Variants in UGGT2 observed in about 807,000 individuals in gnomAD.
UGGT2 encodes the protein UDP-glucose glycoprotein glucosyltransferase 2.
Under a neutral mutation model 192.1 loss-of-function variants are expected in UGGT2, and 180 were observed. The observed-to-expected ratio is 0.94, with a 90% CI of 0.83 to 1.06. UGGT2 has a LOEUF of 1.06. UGGT2 is among the 50% of genes least tolerant of loss of function. The pLI is 0.00. For missense variants in UGGT2, 1,849 were observed against 1,795.7 expected, an observed-to-expected ratio of 1.03 and a Z score of -0.54; for synonymous variants, 580 against 591.0, an observed-to-expected ratio of 0.98 and a Z score of 0.27.
chr13:96,016,971 G>C (rs1039990948), intron 4 of UGGT2, among the ~76,000 whole-genome samples: 1 of 152,204 alleles, frequency 6.6e-6, no homozygotes, highest in African/African-American at 2.4e-5. Flanking sequence ...CACGATGTGG[G>C]ACATGGAGTC....
chr13:95,888,192 G>T (rs187471992), intron 25 of UGGT2, among the ~76,000 whole-genome samples: 1 of 152,240 alleles, frequency 6.6e-6, no homozygotes, highest in Non-Finnish European at 1.5e-5. Flanking sequence ...CCAAACAGTT[G>T]ATTTCAATGT....
chr13:95,843,563 A>G (rs1004831562), intron 36 of UGGT2, among the ~76,000 whole-genome samples: 2 of 152,164 alleles, frequency 1.3e-5, no homozygotes, highest in Non-Finnish European at 2.9e-5. Context: ...ACTCAAGATC[A>G]CAGAGATTTT....
chr13:95,825,178 T>G (rs1233754379), intron 38 of UGGT2, among the ~76,000 whole-genome samples: 2 of 152,144 alleles, frequency 1.3e-5, no homozygotes, highest in Admixed American at 6.6e-5. Context: ...CATTCCCCTG[T>G]GGTGTGCACT....
chr13:95,980,711 T>G (rs1193551871), intron 10 of UGGT2, among the ~76,000 whole-genome samples: 2 of 152,196 alleles, frequency 1.3e-5, no homozygotes, highest in Non-Finnish European at 2.9e-5. Flanking sequence ...ATCCACAGTG[T>G]GTGCTCTTCA....
At chr13:95,837,642 C>T (rs1887446253) in intron 36 of UGGT2, among the ~76,000 whole-genome samples, 1 of 152,190 alleles carries the variant, frequency 6.6e-6, no homozygotes, top group African/African-American at 2.4e-5. Flanking sequence ...TTTCTGCATG[C>T]TCAGAGCTCT....
intron 12 of UGGT2, among the ~76,000 whole-genome samples, chr13:95,959,229 TC>T (rs1399784986): frequency 1.3e-5 from 2 of 152,116 alleles, no homozygotes; most frequent in African/African-American, 4.8e-5. Flanking sequence ...GAGGACAAAT[TC>T]CATTTGCTGC....
intron 1 of UGGT2, among the ~76,000 whole-genome samples, chr13:96,044,031 G>A (rs1238278906): frequency 1.3e-5 from 2 of 152,138 alleles, no homozygotes; most frequent in African/African-American, 2.4e-5. Flanking sequence ...GATATTTACA[G>A]AACATTCTAC....
At position 95,867,403 on chromosome 13, in the gene UGGT2, TGA is replaced by T. The variant is rs759235133; in HGVS notation, c.3492_3493del (p.Gln1165SerfsTer30). The T allele has an allele frequency of 6.2e-6, 10 of 1,606,264 alleles. No individual in the cohort carries two copies. The highest frequency in any genetic ancestry group is 7.6e-6 in the Non-Finnish European group (9 of 1,177,336). ...AACAATGATATCTTCTAGGTCTGCTTGAGAGTCAGTTCCTTCATGCCTAAAAG... is the reference window on the plus strand; with the variant it reads ...AACAATGATATCTTCTAGGTCTGCTTGAGTCAGTTCCTTCATGCCTAAAAG... On this transcript the variant is annotated frameshift_variant, in exon 30 of 39. Transcript: ENST00000376747. LOFTEE classifies it high-confidence loss of function.
At chr13:95,807,438 CCTT>C (rs1051053078) in intron 38 of UGGT2, among the ~76,000 whole-genome samples, 10 of 152,104 alleles carry the variant, frequency 6.6e-5, no homozygotes. Context: ...TCTCTAAAAT[CCTT>C]CTTCTGCTGT....
intron 5 of UGGT2, 36 bp downstream of exon 5, chr13:96,013,271 C>A (rs780937564): frequency 6.6e-7 from 1 of 1,516,054 alleles, no homozygotes; most frequent in African/African-American, 1.5e-5. Context: ...TTTTTTTCTA[C>A]AGCCAAAAGC....
At chr13:96,052,305 G>A (rs1449934175) in intron 1 of UGGT2, among the ~76,000 whole-genome samples, 5 of 152,076 alleles carry the variant, frequency 3.3e-5, no homozygotes, top group Non-Finnish European at 5.9e-5. Context: ...AATGGACTTC[G>A]GGGACTCGGG....
chr13:95,929,333 G>T (rs2049160590), intron 17 of UGGT2, among the ~76,000 whole-genome samples: 1 of 152,180 alleles, frequency 6.6e-6, no homozygotes, highest in Admixed American at 6.5e-5. Flanking sequence ...TACACATGCA[G>T]ATTGGTTACA....
Position 95,970,140 on chromosome 13 carries a change from A to G in UGGT2, c.1307T>C (p.Val436Ala). 3 of 1,609,084 alleles carry G rather than the reference A, an allele frequency of 1.9e-6. No homozygotes were observed. In the South Asian group the frequency reaches 3.3e-5, roughly 18 times the overall value. The change falls in exon 12 of 39, where the codon GTA becomes GCA. Residue 436 changes from valine (V) to alanine (A), a missense_variant. Physicochemically the swap from Val to Ala is moderately conservative, Grantham distance 64 (BLOSUM62 0). Transcript: ENST00000376747. ...LNSHIWEYTY[V>A]LDIRHSSIMW... Reference sequence around the variant, plus strand: ...TATAGAAGAATGTCGAATATCTAATACATAAGTATATTCCCAAATGTGTGA... The same window carrying G: ...TATAGAAGAATGTCGAATATCTAATGCATAAGTATATTCCCAAATGTGTGA...
intron 1 of UGGT2, among the ~76,000 whole-genome samples, chr13:96,034,215 G>A (rs1448487587): frequency 6.6e-6 from 1 of 152,096 alleles, no homozygotes; most frequent in Non-Finnish European, 1.5e-5. Flanking sequence ...GCAGGTGGAA[G>A]GTGGCCACTC....
At chr13:95,936,672 C>G (rs1353679080) in intron 17 of UGGT2, among the ~76,000 whole-genome samples, 2 of 152,224 alleles carry the variant, frequency 1.3e-5, no homozygotes, top group Non-Finnish European at 2.9e-5. Flanking sequence ...AACTCCTAAT[C>G]GAGGACAGTG....
chr13:96,033,757 C>T (rs1009151616), intron 1 of UGGT2, among the ~76,000 whole-genome samples: 4 of 152,310 alleles, frequency 2.6e-5, no homozygotes, highest in East Asian at 1.9e-4. Context: ...CAGCCCCCTA[C>T]CACCTCAGCC....
At chr13:95,921,187 C>G (rs2048832840) in intron 20 of UGGT2, among the ~76,000 whole-genome samples, 1 of 151,652 alleles carries the variant, frequency 6.6e-6, no homozygotes, top group African/African-American at 2.4e-5. Flanking sequence ...ACACTGTGGT[C>G]TGTTGGGGGT....
chr13:95,949,095 T>TC (rs369862795), intron 13 of UGGT2, among the ~76,000 whole-genome samples: 1,885 of 152,256 alleles, frequency 0.012, 22 homozygotes, highest in Non-Finnish European at 0.019. Flanking sequence ...CAATTATACC[T>TC]CTTTCCTTTA....
intron 30 of UGGT2, 51 bp downstream of exon 30, chr13:95,867,288 T>C (rs1237205415): frequency 7.2e-7 from 1 of 1,396,430 alleles, no homozygotes; most frequent in Admixed American, 2.3e-5. Flanking sequence ...ACAAAGAAGA[T>C]AATTCTTAAT....
Sources: allele counts gnomAD v4.1 joint callset (sites outside exome capture counted in the v4.1 genomes callset), GRCh38; gene constraint gnomAD v4.1.1; transcripts MANE v1.5; gene names NCBI Gene and HGNC (gene_info 2026-07-23, HGNC 2026-07-21).